GRM5: variants seen among roughly 807,000 people sequenced by gnomAD.
GRM5 encodes glutamate metabotropic receptor 5.
In GRM5, 19 loss-of-function variants were observed where a neutral mutation model predicts 83.1. The observed-to-expected ratio is 0.23, with a 90% CI of 0.16 to 0.34. The LOEUF (loss-of-function observed/expected upper bound fraction) is 0.34. GRM5 is among the 10% of genes least tolerant of loss of function. The pLI, the probability that GRM5 is intolerant of heterozygous loss-of-function variation, is 1.00. For missense variants in GRM5, 1,160 were observed against 1,588.3 expected (o/e 0.73, Z 4.58); for synonymous variants, 675 against 633.6 (o/e 1.07, Z -0.98).
chr11:88,745,423 C>T (rs1347514720), intron 3 of GRM5, among the ~76,000 whole-genome samples: 1 of 151,952 alleles, frequency 6.6e-6, no homozygotes, highest in Non-Finnish European at 1.5e-5. Flanking sequence ...CCAGGCTGGT[C>T]TTAAACTCCT....
chr11:88,906,854 G>T (rs1945412148), intron 2 of GRM5, among the ~76,000 whole-genome samples: 1 of 152,116 alleles, frequency 6.6e-6, no homozygotes, highest in South Asian at 2.1e-4. Flanking sequence ...AAAGTGCTAA[G>T]GAATCCACGC....
intron 2 of GRM5, among the ~76,000 whole-genome samples, chr11:88,880,974 C>A (rs531470436): frequency 7.2e-5 from 11 of 152,030 alleles, no homozygotes; most frequent in Non-Finnish European, 1.6e-4. Flanking sequence ...AAGGACACAA[C>A]ACTGACCCTA....
chr11:88,743,941 C>T (rs766922850), intron 3 of GRM5, among the ~76,000 whole-genome samples: 6 of 152,084 alleles, frequency 3.9e-5, no homozygotes, highest in Non-Finnish European at 4.4e-5. Context: ...GTTAGGCAAA[C>T]ATCAAAAGCA....
intron 3 of GRM5, among the ~76,000 whole-genome samples, chr11:88,700,205 C>T (rs1329288054): frequency 2.0e-5 from 3 of 152,034 alleles, no homozygotes; most frequent in African/African-American, 7.2e-5. Context: ...ATATGTGAAC[C>T]TATGGGAGTG....
chr11:88,785,423 G>T (rs1943050401), intron 3 of GRM5, among the ~76,000 whole-genome samples: 2 of 152,048 alleles, frequency 1.3e-5, no homozygotes, highest in African/African-American at 4.8e-5. Flanking sequence ...GAGATGAATA[G>T]ATCAAGAAGA....
At chr11:88,620,069 C>T (rs1246138431) in intron 4 of GRM5, among the ~76,000 whole-genome samples, 1 of 152,198 alleles carries the variant, frequency 6.6e-6, no homozygotes, top group African/African-American at 2.4e-5. Flanking sequence ...ATCCCTCCCT[C>T]CAAGCCAGAA....
At chr11:88,677,982 G>A (rs10831273) in intron 3 of GRM5, among the ~76,000 whole-genome samples, 2,714 of 151,854 alleles carry the variant, frequency 0.018, 63 homozygotes, top group East Asian at 0.096. Context: ...ATTGAAAATT[G>A]ACTTAAATTA....
At chr11:88,678,102 C>T (rs536766158) in intron 3 of GRM5, among the ~76,000 whole-genome samples, 17 of 151,598 alleles carry the variant, frequency 1.1e-4, no homozygotes, top group African/African-American at 3.1e-4. Flanking sequence ...TCTGTCTCCC[C>T]GGCTGGAGTA....
chr11:89,045,575 A>C (rs1382045812), intron 2 of GRM5, among the ~76,000 whole-genome samples: 13 of 152,296 alleles, frequency 8.5e-5, no homozygotes. Flanking sequence ...TGAATACATC[A>C]TAACTTATTT....
In GRM5 at chr11:88,895,713, G is replaced by A. The variant is rs541136513; in HGVS notation, c.662-45558C>T. Among the ~76,000 whole-genome samples the A allele has an allele frequency of 2.7e-4, 41 of 151,974 alleles. 1 individual carries two copies. The South Asian group carries it at 7.3e-3, about 27-fold the overall frequency. ...TACTTTTAAACAATAATGTCAATAT[G>A]TGAACTATTTTAAATTGGTTTTTCT... On this transcript the variant is annotated intron_variant, in intron 2 of 9. Coordinates refer to ENST00000305447, the MANE Select transcript of GRM5 (RefSeq NM_001143831.3).
rs1181756887 is a variant in GRM5 at position 88,787,138 on chromosome 11, T to C, written c.911+62768A>G. On this transcript the variant is annotated intron_variant, in intron 3 of 9. Coordinates refer to ENST00000305447, the MANE Select transcript of GRM5 (RefSeq NM_001143831.3). ...AATATGATATATGATATGATGTGTG[T>C]GTGTGTGTGTGTGTGTGTGTGTGTG... Among the ~76,000 whole-genome samples the C allele has an allele frequency of 1.0e-4, 5 of 47,780 alleles. No individual in the cohort carries two copies. In the East Asian group the frequency reaches 4.6e-3, roughly 44 times the overall value. 31.3% of individuals were successfully genotyped at this position (47,780 alleles called of 152,430 possible). A position where few individuals can be genotyped will look rare whatever the true frequency, so the allele number is the denominator to read the frequency against.
In GRM5 at chr11:88,717,642, A is replaced by T. The variant is rs554082630; in HGVS notation, c.912-64239T>A. 3.9e-5 allele frequency among the ~76,000 whole-genome samples: 6 copies of T among 152,006 alleles called. No individual in the cohort carries two copies. In the South Asian group the frequency reaches 1.0e-3, roughly 26 times the overall value. ...TCATATAGCAAAATATCGTTCTACA[A>T]CTATGTAATTATGTTTCTGAATAAT... On this transcript the variant is annotated intron_variant, in intron 3 of 9. Coordinates refer to ENST00000305447, the MANE Select transcript of GRM5 (RefSeq NM_001143831.3).
At chr11:88,632,689 T>A (rs933407486) in intron 4 of GRM5, among the ~76,000 whole-genome samples, 2 of 152,220 alleles carry the variant, frequency 1.3e-5, no homozygotes, top group Non-Finnish European at 2.9e-5. Flanking sequence ...ACATTATTCC[T>A]TAAATACTTA....
At chr11:88,979,552 T>G (rs1309653848) in intron 2 of GRM5, among the ~76,000 whole-genome samples, 3 of 152,226 alleles carry the variant, frequency 2.0e-5, no homozygotes, top group Non-Finnish European at 4.4e-5. Context: ...GTCTGATTAT[T>G]GCTGATCTGT....
chr11:88,664,163 A>T (rs1276646473), intron 3 of GRM5, among the ~76,000 whole-genome samples: 1 of 152,164 alleles, frequency 6.6e-6, no homozygotes, highest in African/African-American at 2.4e-5. Context: ...GAAAAAAATT[A>T]CTTGAATGAT....
intron 4 of GRM5, among the ~76,000 whole-genome samples, chr11:88,643,501 T>C (rs1297906103): frequency 6.6e-6 from 1 of 152,110 alleles, no homozygotes; most frequent in East Asian, 1.9e-4. Context: ...TGGAACAGGA[T>C]CCCTTCTGAA....
At chr11:88,804,618 A>G (rs1368493523) in intron 3 of GRM5, among the ~76,000 whole-genome samples, 1 of 152,050 alleles carries the variant, frequency 6.6e-6, no homozygotes, top group Non-Finnish European at 1.5e-5. Flanking sequence ...GCACACCAGC[A>G]TGGCACATGT....
At chr11:88,953,010 A>G (rs1565307515) in intron 2 of GRM5, among the ~76,000 whole-genome samples, 1 of 152,212 alleles carries the variant, frequency 6.6e-6, no homozygotes, top group Non-Finnish European at 1.5e-5. Flanking sequence ...ATGTTAAACT[A>G]TCTTTAATGC....
At chr11:88,781,159 G>A (rs1170520656) in intron 3 of GRM5, among the ~76,000 whole-genome samples, 5 of 147,976 alleles carry the variant, frequency 3.4e-5, no homozygotes, top group Non-Finnish European at 7.4e-5. Context: ...GTATATATTT[G>A]GTGTATCCTT....
Sources: gnomAD v4.1 joint callset for allele counts (sites outside exome capture counted in the v4.1 genomes callset) on GRCh38, gnomAD v4.1.1 for gene constraint, MANE v1.5 for transcripts, NCBI Gene and HGNC (gene_info 2026-07-23, HGNC 2026-07-21) for gene names.